The following H1-7 variants were observed in gnomAD, a reference collection of about 807,000 sequenced individuals.
H1-7 encodes H1.7 linker histone, also known as testis-specific H1 histone.
In H1-7, 1 loss-of-function variant was observed where a neutral mutation model predicts 0.3. The observed-to-expected ratio is 3.06, with a 90% CI of 1.09 to 14.53. H1-7 has a LOEUF of 14.53. Ranked by LOEUF, H1-7 falls within the 30% of genes most tolerant of loss-of-function variation. The pLI is 0.12. For missense variants in H1-7, 393 were observed against 353.1 expected (o/e 1.11, Z -0.91); for synonymous variants, 177 against 153.2 (o/e 1.16, Z -1.15).
chr12:48,329,255 G>T lies in H1-7; in HGVS notation c.-37G>T. Reference sequence around the variant, plus strand: ...AATTAGGACCTGAAAATCTCTGCCAGGCCTGCCTTTGTGACGTGGCCCAGT... The same window carrying T: ...AATTAGGACCTGAAAATCTCTGCCATGCCTGCCTTTGTGACGTGGCCCAGT... On this transcript the variant is annotated 5_prime_UTR_variant, in exon 1 of 1. It adds an upstream start codon to the 5' untranslated region. Coordinates refer to ENST00000335017, the MANE Select transcript of H1-7 (RefSeq NM_181788.1). 1 of 1,484,398 alleles carries T rather than the reference G, an allele frequency of 6.7e-7. No homozygotes were observed. The highest frequency in any genetic ancestry group is 1.4e-5 in the South Asian group (1 of 71,062). The allele number at this position is 1,484,398 out of a possible 1,614,324, so 92.0% of individuals were successfully genotyped here.
In H1-7 at chr12:48,329,206, C is replaced by G. The variant is rs1030933365; in HGVS notation, c.-86C>G. 1.4e-6 allele frequency: 2 copies of G among 1,421,502 alleles called. No individual in the cohort carries two copies. Among genetic ancestry groups the G allele is most frequent in the Admixed American group, 5.7e-5 (2 of 34,800 alleles). The allele number at this position is 1,421,502 out of a possible 1,614,324, so 88.1% of individuals were successfully genotyped here. On this transcript the variant is annotated 5_prime_UTR_variant, in exon 1 of 1. Transcript: ENST00000335017. ...TATTATAAGTGAAAAGGGCCCCTCC[C>G]CGGGTGAGATATGCCAGCCCCATAA...
In H1-7 at chr12:48,329,574, G is replaced by A. The variant is rs188943129; in HGVS notation, c.283G>A (p.Gly95Ser). Reference protein sequence around the residue: ...NAGYEVRRKSGRHEAPRGQAK... With the variant: ...NAGYEVRRKSSRHEAPRGQAK... The stretch of plus-strand genomic sequence containing the variant: ...CGGCTACGAAGTGCGCAGGAAGAGC[G>A]GCCGCCACGAAGCGCCCAGGGGGCA... Residue 95 changes from glycine (G) to serine (S), a missense_variant, in exon 1 of 1, where the codon GGC becomes AGC. Physicochemically the swap from Gly to Ser is moderately conservative, Grantham distance 56. Coordinates refer to ENST00000335017, the MANE Select transcript of H1-7 (RefSeq NM_181788.1). 1.1e-5 allele frequency: 17 copies of A among 1,612,022 alleles called. No homozygotes were observed. Among genetic ancestry groups the A allele is most frequent in the African/African-American group, 6.7e-5 (5 of 75,066 alleles).
At position 48,329,541 on chromosome 12, in the gene H1-7, C is replaced by A. The variant is rs2732441; in HGVS notation, c.250C>A (p.Arg84=). 1.9e-6 allele frequency: 3 copies of A among 1,612,964 alleles called. No individual in the cohort carries two copies. The highest frequency in any genetic ancestry group is 2.5e-6 in the Non-Finnish European group (3 of 1,179,572). The change falls in exon 1 of 1, where the codon CGA becomes AGA. Residue 84 remains arginine (R), a synonymous_variant. Coordinates refer to ENST00000335017, the MANE Select transcript of H1-7 (RefSeq NM_181788.1). ...TCTGGCAGCTCTCAAGAAGGAGCTC[C>A]GAAACGCCGGCTACGAAGTGCGCAG... ...LTLAALKKEL[R]NAGYEVRRKS... is the part of the protein sequence containing the mutation.
Position 48,329,812 on chromosome 12 carries a change from G to A in H1-7, c.521G>A (p.Arg174Gln), listed in dbSNP as rs1471997. ...AGGAAGGCCAGAGAAGTGTGGAGAC[G>A]GAACGCGAGGGCGAAAGCCAAGGCC... ...AARKAREVWR[R>Q]NARAKAKANA... is the part of the protein sequence containing the mutation. The change falls in exon 1 of 1, where the codon CGG (arginine) becomes CAG (glutamine). Residue 174 changes from arginine to glutamine, a missense_variant. By Grantham distance (43) the Arg-to-Gln change is conservative. Transcript: ENST00000335017. The A allele has an allele frequency of 0.2, 323,862 of 1,595,278 alleles. 34,444 individuals are homozygous for A. Among genetic ancestry groups the A allele is most frequent in the East Asian group, 0.25 (11,166 of 44,176 alleles).
At position 48,329,819 on chromosome 12, in the gene H1-7, G is replaced by A. The variant is rs149687693; in HGVS notation, c.528G>A (p.Ala176=). ...CCAGAGAAGTGTGGAGACGGAACGC[G>A]AGGGCGAAAGCCAAGGCCAATGCCA... ...RKAREVWRRN[A]RAKAKANARA... is the part of the protein sequence containing the mutation. The change falls in exon 1 of 1, where the codon GCG becomes GCA. Residue 176 remains alanine, a synonymous_variant. Coordinates refer to ENST00000335017, the MANE Select transcript of H1-7 (RefSeq NM_181788.1). 3 of 1,594,864 alleles carry A rather than the reference G, an allele frequency of 1.9e-6. No homozygotes were observed. The highest frequency in any genetic ancestry group is 1.1e-5 in the South Asian group (1 of 88,740).
Position 48,329,164 on chromosome 12 carries a change from A to G in H1-7, c.-128A>G. Reference sequence around the variant, plus strand: ...TTGGATTGGTTTAGACCTAGAAGGAAGTGGCATTTGATTGGTTATTATAAG... The same window carrying G: ...TTGGATTGGTTTAGACCTAGAAGGAGGTGGCATTTGATTGGTTATTATAAG... On this transcript the variant is annotated 5_prime_UTR_variant, in exon 1 of 1. Transcript: ENST00000335017. The G allele has an allele frequency of 1.6e-5, 17 of 1,092,986 alleles. No homozygotes were observed. The highest frequency in any genetic ancestry group is 2.1e-5 in the Non-Finnish European group (16 of 778,320). The allele number at this position is 1,092,986 out of a possible 1,614,324, so 67.7% of individuals were successfully genotyped here. A position where few individuals can be genotyped will look rare whatever the true frequency, so the allele number is the denominator to read the frequency against.
Position 48,330,044 on chromosome 12 carries a change from G to A in H1-7, c.753G>A (p.Gln251=), listed in dbSNP as rs762136521. 4.2e-5 allele frequency: 67 copies of A among 1,612,228 alleles called. No homozygotes were observed. The highest frequency in any genetic ancestry group is 5.3e-5 in the Non-Finnish European group (62 of 1,179,616). The stretch of plus-strand genomic sequence containing the variant: ...AGCAGGAGCCCAAGAAGCCCGCACA[G>A]CGGACCATCCAGTAGCCAACGCGGG... ...EEKQEPKKPA[Q]RTIQ The change falls in exon 1 of 1, where the codon CAG becomes CAA. Residue 251 remains glutamine, a synonymous_variant. Coordinates refer to ENST00000335017, the MANE Select transcript of H1-7 (RefSeq NM_181788.1).
Position 48,329,934 on chromosome 12 carries a change from G to A in H1-7, c.643G>A (p.Glu215Lys), listed in dbSNP as rs1361775815. ...KEEAGATAADEGRGQAVKEDT... is the reference protein window; with the variant it reads ...KEEAGATAADKGRGQAVKEDT... ...GGAAGCGGGAGCGACAGCGGCAGAC[G>A]AGGGGCGAGGACAGGCCGTGAAGGA... is the stretch of plus-strand genomic sequence containing the variant. The change falls in exon 1 of 1, where the codon GAG becomes AAG. Residue 215 changes from glutamate (E) to lysine (K), a missense_variant. Physicochemically the swap from Glu to Lys is moderately conservative, Grantham distance 56 (BLOSUM62 1). Transcript: ENST00000335017. 5.6e-6 allele frequency: 9 copies of A among 1,605,606 alleles called. No homozygotes were observed. The highest frequency in any genetic ancestry group is 7.7e-6 in the Non-Finnish European group (9 of 1,176,370).
rs1952536575 is a variant in H1-7, at chr12:48,329,094, A to ACTCT, written c.-197_-194dup. ...TTGATTTGGGAACAAAACCCTGGAG[A>ACTCT]CTCTATAGGTAGGTGACTGTTGGGG... On this transcript the variant is annotated 5_prime_UTR_variant, in exon 1 of 1. Coordinates refer to ENST00000335017, the MANE Select transcript of H1-7 (RefSeq NM_181788.1). 1 of 549,676 alleles carries ACTCT rather than the reference A, an allele frequency of 1.8e-6. No individual in the cohort carries two copies. Among genetic ancestry groups the ACTCT allele is most frequent in the Non-Finnish European group, 3.1e-6 (1 of 322,696 alleles). The allele number at this position is 549,676 out of a possible 1,614,324, so 34.0% of individuals were successfully genotyped here.
Position 48,329,917 on chromosome 12 carries a change from G to A in H1-7, c.626G>A (p.Gly209Glu), listed in dbSNP as rs202238640. Residue 209 changes from glycine to glutamate, a missense_variant, in exon 1 of 1, where the codon GGA becomes GAA. Physicochemically the swap from Gly to Glu is moderately conservative, Grantham distance 98. Transcript: ENST00000335017. ...TGTGCCAGAGCCAAGGAGGAAGCGG[G>A]AGCGACAGCGGCAGACGAGGGGCGA... ...PPCARAKEEAGATAADEGRGQ... is the reference protein window; with the variant it reads ...PPCARAKEEAEATAADEGRGQ... 7.1e-5 allele frequency: 113 copies of A among 1,598,600 alleles called. No individual in the cohort carries two copies. The highest frequency in any genetic ancestry group is 2.3e-4 in the Admixed American group (13 of 56,084).
In H1-7 at chr12:48,330,192, A is replaced by C. The variant is rs954741060; in HGVS notation, c.*133A>C. 4 of 996,898 alleles carry C rather than the reference A, an allele frequency of 4.0e-6. No individual in the cohort carries two copies. In the East Asian group the frequency reaches 1.0e-4, roughly 26 times the overall value. The allele number at this position is 996,898 out of a possible 1,614,324, so 61.8% of individuals were successfully genotyped here. A position where few individuals can be genotyped will look rare whatever the true frequency, so the allele number is the denominator to read the frequency against. On this transcript the variant is annotated 3_prime_UTR_variant, in exon 1 of 1. Coordinates refer to ENST00000335017, the MANE Select transcript of H1-7 (RefSeq NM_181788.1). ...GAATGCATCTTGTGGGAGCAGCTTC[A>C]CTCCCACCACGGACCAATGCCTTTC...
Position 48,329,401 on chromosome 12 carries a change from C to A in H1-7, c.110C>A (p.Ala37Asp), listed in dbSNP as rs1952540022. 1 of 1,614,048 alleles carries A rather than the reference C, an allele frequency of 6.2e-7. No individual in the cohort carries two copies. The highest frequency in any genetic ancestry group is 8.5e-7 in the Non-Finnish European group (1 of 1,179,966). The part of the protein sequence containing the change: ...GPSGESRGHS[A>D]TQLPAEKTVG... ...AGTGGCGAATCCCGAGGACACTCAGCCACTCAGCTGCCAGCGGAAAAAACT... is the reference window on the plus strand; with the variant it reads ...AGTGGCGAATCCCGAGGACACTCAGACACTCAGCTGCCAGCGGAAAAAACT... Residue 37 changes from alanine (A) to aspartate (D), a missense_variant, in exon 1 of 1, where the codon GCC (alanine) becomes GAC (aspartate). Physicochemically the swap from Ala to Asp is moderately radical, Grantham distance 126 (BLOSUM62 -2). Transcript: ENST00000335017.
chr12:48,329,348 T>TG, the H1-7 span: 1 of 1,603,730 alleles, frequency 6.2e-7, no homozygotes, highest in Non-Finnish European at 8.5e-7. Context: ...GAGGCGGGAG[T>TG]GGGGCCATGG....
rs1217997824 is a variant in H1-7, at chr12:48,329,869, G to A, written c.578G>A (p.Arg193Lys). ...NARARRTRRA[R>K]PRAKEPPCAR... is the part of the protein sequence containing the mutation. The stretch of plus-strand genomic sequence containing the variant: ...AGGGCGAGGAGGACCAGGAGGGCAA[G>A]GCCGAGAGCCAAGGAGCCGCCGTGT... Residue 193 changes from arginine (R) to lysine (K), a missense_variant, in exon 1 of 1, where the codon AGG becomes AAG. Physicochemically the swap from Arg to Lys is conservative, Grantham distance 26. Coordinates refer to ENST00000335017, the MANE Select transcript of H1-7 (RefSeq NM_181788.1). 1.3e-6 allele frequency: 2 copies of A among 1,589,484 alleles called. No individual in the cohort carries two copies. Among genetic ancestry groups the A allele is most frequent in the Non-Finnish European group, 1.7e-6 (2 of 1,168,542 alleles).
rs770675698 is a variant in H1-7, at chr12:48,329,745, C to G, written c.454C>G (p.Arg152Gly). 2 of 1,600,552 alleles carry G rather than the reference C, an allele frequency of 1.2e-6. No homozygotes were observed. Among genetic ancestry groups the G allele is most frequent in the African/African-American group, 1.3e-5 (1 of 74,794 alleles). ...TCCCTGGAGGACCCCAGCCGCGCCC[C>G]GGAGCTCCCGGAGGCGCCGCCAGCC... ...RAPWRTPAAP[R>G]SSRRRRQPLR... Residue 152 changes from arginine to glycine, a missense_variant, in exon 1 of 1, where the codon CGG (arginine) becomes GGG (glycine). Transcript: ENST00000335017.
chr12:48,329,930 A>C lies in H1-7; in HGVS notation c.639A>C (p.Ala213=), dbSNP rs1377714360. ...RAKEEAGATA[A]DEGRGQAVKE... The stretch of plus-strand genomic sequence containing the variant: ...AGGAGGAAGCGGGAGCGACAGCGGC[A>C]GACGAGGGGCGAGGACAGGCCGTGA... Residue 213 remains alanine, a synonymous_variant, in exon 1 of 1, where the codon GCA becomes GCC. Transcript: ENST00000335017. The C allele has an allele frequency of 1.9e-6, 3 of 1,604,056 alleles. No individual in the cohort carries two copies. The highest frequency in any genetic ancestry group is 2.6e-6 in the Non-Finnish European group (3 of 1,175,724).
chr12:48,329,334 C>T lies in H1-7; in HGVS notation c.43C>T (p.Arg15Cys), dbSNP rs757047945. 1.5e-5 allele frequency: 24 copies of T among 1,606,178 alleles called. No individual in the cohort carries two copies. Among genetic ancestry groups the T allele is most frequent in the East Asian group, 8.9e-5 (4 of 44,734 alleles). Residue 15 changes from arginine to cysteine, a missense_variant, in exon 1 of 1, where the codon CGC becomes TGC. Coordinates refer to ENST00000335017, the MANE Select transcript of H1-7 (RefSeq NM_181788.1). Reference sequence around the variant, plus strand: ...TGGTGAGGCCCAAAGCCGGTGGCCCCGCAGAGGCGGGAGTGGGGCCATGGC... The same window carrying T: ...TGGTGAGGCCCAAAGCCGGTGGCCCTGCAGAGGCGGGAGTGGGGCCATGGC... ...LTGEAQSRWP[R>C]RGGSGAMAEA...
chr12:48,330,233 G>A lies in H1-7; in HGVS notation c.*174G>A, dbSNP rs1157071170. On this transcript the variant is annotated 3_prime_UTR_variant, in exon 1 of 1. Coordinates refer to ENST00000335017, the MANE Select transcript of H1-7 (RefSeq NM_181788.1). ...AATGCCTTTCCCCCATAGGCCCCAA[G>A]AAGAGCGGCTGTCACACTCATTGAA... 1.4e-5 allele frequency: 10 copies of A among 702,778 alleles called. No individual in the cohort carries two copies. In the South Asian group the frequency reaches 2.0e-4, roughly 14 times the overall value. The allele number at this position is 702,778 out of a possible 1,614,324, so 43.5% of individuals were successfully genotyped here.
In H1-7 at chr12:48,329,754, C is replaced by G. The variant is rs769658441; in HGVS notation, c.463C>G (p.Arg155Gly). ...WRTPAAPRSS[R>G]RRRQPLRKAA... ...GACCCCAGCCGCGCCCCGGAGCTCCCGGAGGCGCCGCCAGCCCCTTCGCAA... is the reference window on the plus strand; with the variant it reads ...GACCCCAGCCGCGCCCCGGAGCTCCGGGAGGCGCCGCCAGCCCCTTCGCAA... The change falls in exon 1 of 1, where the codon CGG becomes GGG. Residue 155 changes from arginine (R) to glycine (G), a missense_variant. Coordinates refer to ENST00000335017, the MANE Select transcript of H1-7 (RefSeq NM_181788.1). The G allele has an allele frequency of 1.7e-5, 27 of 1,599,362 alleles. No homozygotes were observed. In the Admixed American group the frequency reaches 4.3e-4, roughly 26 times the overall value.
Sources: allele counts gnomAD v4.1 joint callset, GRCh38; gene constraint gnomAD v4.1.1; transcripts MANE v1.5; gene names NCBI Gene and HGNC (gene_info 2026-07-23, HGNC 2026-07-21).